The following EYS variants were observed in gnomAD, a reference collection of about 807,000 sequenced individuals.
EYS encodes the protein protein eyes shut homolog.
A neutral mutation model predicts 282.1 loss-of-function variants in EYS; 250 were observed. The observed-to-expected ratio is 0.89, with a 90% CI of 0.80 to 0.98. The LOEUF is 0.98. Among genes scored for constraint, EYS ranks in the 50% least tolerant of loss-of-function variants. The probability of loss-of-function intolerance (pLI) is 0.00; values close to 1 mark genes in which losing one functional copy is unlikely to be tolerated. For missense variants in EYS, 4,016 were observed against 3,709.0 expected, an observed-to-expected ratio of 1.08 and a Z score of -2.15; for synonymous variants, 1,355 against 1,282.9, an observed-to-expected ratio of 1.06 and a Z score of -1.20.
chr6:64,196,679 A>G lies in EYS; in HGVS notation c.6424+33913T>C, dbSNP rs573017170. ...AAACACCGCATGTTCTCACTCATAG[A>G]TGGGAATTGAACAATGAGAACACAT... On this transcript the variant is annotated intron_variant, in intron 31 of 42. Transcript: ENST00000503581. Among the ~76,000 whole-genome samples the G allele has an allele frequency of 1.1e-4, 16 of 147,224 alleles. No individual in the cohort carries two copies. In the East Asian group the frequency reaches 1.7e-3, roughly 16 times the overall value.
At chr6:64,621,920 A>G (rs2149853262) in intron 23 of EYS, among the ~76,000 whole-genome samples, 1 of 152,294 alleles carries the variant, frequency 6.6e-6, no homozygotes, top group African/African-American at 2.4e-5. Flanking sequence ...CTGATCACTT[A>G]CTGGGTGTTC....
chr6:64,810,144 C>T (rs896089153), intron 22 of EYS, among the ~76,000 whole-genome samples: 2 of 151,750 alleles, frequency 1.3e-5, no homozygotes, highest in African/African-American at 4.8e-5. Flanking sequence ...TTAAAAATTC[C>T]CCTGACTTGA....
intron 22 of EYS, among the ~76,000 whole-genome samples, chr6:64,795,920 C>A (rs1368863399): frequency 2.0e-5 from 3 of 152,136 alleles, no homozygotes; most frequent in African/African-American, 7.2e-5. Context: ...TGATAGCAAT[C>A]TACAGAAATG....
intron 31 of EYS, among the ~76,000 whole-genome samples, chr6:64,089,997 A>G (rs1429720956): frequency 1.3e-5 from 2 of 152,142 alleles, no homozygotes; most frequent in East Asian, 3.8e-4. Flanking sequence ...ACAGTTGATC[A>G]TCATGATTTG....
intron 8 of EYS, among the ~76,000 whole-genome samples, chr6:65,365,497 G>T (rs1212225609): frequency 1.4e-5 from 2 of 147,570 alleles, no homozygotes; most frequent in African/African-American, 5.0e-5. Flanking sequence ...TTTCAAATCT[G>T]AACTTTCAGA....
At chr6:64,155,893 A>G (rs1392277762) in intron 31 of EYS, among the ~76,000 whole-genome samples, 2 of 152,006 alleles carry the variant, frequency 1.3e-5, no homozygotes, top group Non-Finnish European at 2.9e-5. Context: ...CCCTAACGAT[A>G]AAATGACAGC....
At chr6:64,504,690 A>G (rs1289362400) in intron 26 of EYS, among the ~76,000 whole-genome samples, 3 of 152,198 alleles carry the variant, frequency 2.0e-5, no homozygotes, top group South Asian at 2.1e-4. Context: ...ATTTGTATGT[A>G]GAAGAACAGG....
intron 33 of EYS, among the ~76,000 whole-genome samples, chr6:64,008,131 A>G (rs573976824): frequency 2.8e-4 from 43 of 152,178 alleles, no homozygotes; most frequent in Admixed American, 4.6e-4. Context: ...ATAGGTCTCT[A>G]AGAACTTGCT....
At chr6:64,976,916 G>A (rs545672019) in intron 14 of EYS, among the ~76,000 whole-genome samples, 84 of 151,354 alleles carry the variant, frequency 5.5e-4, no homozygotes, top group African/African-American at 2.0e-3. Flanking sequence ...TTTTTGAGAC[G>A]GAGTCTCATT....
At chr6:63,773,269 T>C (rs959118209) in intron 40 of EYS, among the ~76,000 whole-genome samples, 2 of 152,130 alleles carry the variant, frequency 1.3e-5, no homozygotes, top group African/African-American at 4.8e-5. Flanking sequence ...CTACCTCAAA[T>C]TGGAATCTCT....
At chr6:65,440,202 G>A (rs1768258161) in intron 5 of EYS, among the ~76,000 whole-genome samples, 1 of 151,990 alleles carries the variant, frequency 6.6e-6, no homozygotes, top group South Asian at 2.1e-4. Context: ...GTTCAAGCAT[G>A]CATTTTACTC....
At chr6:64,404,234 C>CTT (rs1367293215) in intron 28 of EYS, among the ~76,000 whole-genome samples, 1 of 151,042 alleles carries the variant, frequency 6.6e-6, no homozygotes, top group Non-Finnish European at 1.5e-5. Context: ...GGTTACTTTG[C>CTT]TTTAACACAT....
intron 31 of EYS, among the ~76,000 whole-genome samples, chr6:64,206,808 G>A (rs1765622258): frequency 6.6e-6 from 1 of 152,112 alleles, no homozygotes; most frequent in Admixed American, 6.6e-5. Flanking sequence ...TAGTTTGAAT[G>A]TTTCCTCCAA....
chr6:65,489,089 A>T (rs1338080102), intron 5 of EYS, among the ~76,000 whole-genome samples: 1 of 152,192 alleles, frequency 6.6e-6, no homozygotes, highest in Non-Finnish European at 1.5e-5. Context: ...TGTCTGAAAC[A>T]CCAAAAGCAA....
chr6:64,656,007 A>G (rs1193785383), intron 22 of EYS, among the ~76,000 whole-genome samples: 1 of 152,144 alleles, frequency 6.6e-6, no homozygotes, highest in African/African-American at 2.4e-5. Context: ...CACCTCTTTG[A>G]AAAGTTAACA....
chr6:64,434,656 T>G (rs576115644), intron 28 of EYS, among the ~76,000 whole-genome samples: 59 of 152,094 alleles, frequency 3.9e-4, no homozygotes, highest in African/African-American at 1.4e-3. Flanking sequence ...GCCTTGAGAT[T>G]GTGTCATTTT....
rs757359666 is a variant in EYS, at chr6:65,335,063, G to A, written c.1683C>T (p.Asn561=). 14 of 1,611,688 alleles carry A rather than the reference G, an allele frequency of 8.7e-6. No homozygotes were observed. The African/African-American group carries it at 1.6e-4, about 18-fold the overall frequency. The stretch of plus-strand genomic sequence containing the variant: ...CATCAGTTGTATTTTCCAGATACAT[G>A]TTGCCAGCCCATCTGAGAAAACATA... ...RYLCFLRWAG[N]MYLENTTDDQ... Residue 561 remains asparagine (N), a synonymous_variant, in exon 11 of 43, where the codon AAC becomes AAT. Coordinates refer to ENST00000503581, the MANE Select transcript of EYS (RefSeq NM_001142800.2).
chr6:63,789,214 G>A lies in EYS; in HGVS notation c.7422C>T (p.Gly2474=), dbSNP rs760224932. ...GCAGGCCCACAGCCAGGAAGTCATCGCCATTCAACCCTGGAATGAGAAGAC... is the reference window on the plus strand; with the variant it reads ...GCAGGCCCACAGCCAGGAAGTCATCACCATTCAACCCTGGAATGAGAAGAC... ...FTGQKGHGLN[G]DDFLAVGLLN... The change falls in exon 38 of 43, where the codon GGC becomes GGT. Residue 2474 remains glycine (G), a synonymous_variant. Coordinates refer to ENST00000503581, the MANE Select transcript of EYS (RefSeq NM_001142800.2). The A allele has an allele frequency of 2.3e-5, 36 of 1,551,450 alleles. No homozygotes were observed. The highest frequency in any genetic ancestry group is 1.7e-4 in the Middle Eastern group (1 of 5,902).
At chr6:65,050,979 C>T (rs1773252662) in intron 13 of EYS, among the ~76,000 whole-genome samples, 1 of 151,492 alleles carries the variant, frequency 6.6e-6, no homozygotes, top group Non-Finnish European at 1.5e-5. Flanking sequence ...ACCATTTCAG[C>T]TTTTTATATT....
Sources: allele counts gnomAD v4.1 joint callset (sites outside exome capture counted in the v4.1 genomes callset), GRCh38; gene constraint gnomAD v4.1.1; transcripts MANE v1.5; gene names NCBI Gene and HGNC (gene_info 2026-07-23, HGNC 2026-07-21).